Variants in DTNB observed in about 807,000 individuals in gnomAD.
DTNB encodes DTN-B.
A neutral mutation model predicts 90.7 loss-of-function variants in DTNB; 63 were observed. The ratio of observed to expected loss-of-function variants is 0.69; its 90% CI spans 0.57 to 0.86. The LOEUF is 0.86. Among genes scored for constraint, DTNB ranks in the 40% least tolerant of loss-of-function variants. The pLI, the probability that DTNB is intolerant of heterozygous loss-of-function variation, is 0.00. For synonymous variants in DTNB, 277 were observed against 286.7 expected, an observed-to-expected ratio of 0.97 and a Z score of 0.34; for missense variants, 744 against 807.1, an observed-to-expected ratio of 0.92 and a Z score of 0.95.
rs375171720 is a variant in DTNB at position 25,648,201 on chromosome 2, T to C, written c.67+4393A>G. On this transcript the variant is annotated intron_variant, in intron 2 of 20. Coordinates refer to ENST00000406818, the MANE Select transcript of DTNB (RefSeq NM_021907.5). ...CCTTTCACTTTTCTTGGTGATTTTA[T>C]ATCATGTAAGAATCATAAACTACCC... Among the ~76,000 whole-genome samples, 11 of 152,232 alleles carry C rather than the reference T, an allele frequency of 7.2e-5. No individual in the cohort carries two copies. The East Asian group carries it at 1.2e-3, about 16-fold the overall frequency.
chr2:25,638,827 T>TTAA (rs1490990356), intron 3 of DTNB, among the ~76,000 whole-genome samples, 187 bp downstream of exon 3: 5 of 152,220 alleles, frequency 3.3e-5, no homozygotes, highest in Non-Finnish European at 7.3e-5. Context: ...ATGACTGAGT[T>TTAA]TGTTAAACAT....
intron 16 of DTNB, among the ~76,000 whole-genome samples, chr2:25,412,241 T>C (rs2046795099): frequency 6.6e-6 from 1 of 152,212 alleles, no homozygotes; most frequent in Admixed American, 6.5e-5. Context: ...GGGGGCTTCC[T>C]GGAGCCAGGC....
At chr2:25,423,787 G>A (rs1021380804) in intron 15 of DTNB, among the ~76,000 whole-genome samples, 3 of 151,724 alleles carry the variant, frequency 2.0e-5, no homozygotes, top group Non-Finnish European at 2.9e-5. Context: ...AGCCTCCCAA[G>A]TAGCTGGGAT....
chr2:25,494,369 A>G (rs1036704964), intron 9 of DTNB, among the ~76,000 whole-genome samples: 20 of 151,720 alleles, frequency 1.3e-4, no homozygotes, highest in African/African-American at 4.8e-4. Context: ...TTCAGATTAG[A>G]GTTCTCAGGG....
chr2:25,527,076 T>C (rs770873378), intron 9 of DTNB, among the ~76,000 whole-genome samples: 14 of 152,146 alleles, frequency 9.2e-5, no homozygotes, highest in Non-Finnish European at 1.0e-4. Flanking sequence ...GGGAAATATT[T>C]AGAAGTAAAC....
At chr2:25,446,597 T>C (rs947574136) in intron 12 of DTNB, among the ~76,000 whole-genome samples, 1 of 152,160 alleles carries the variant, frequency 6.6e-6, no homozygotes, top group African/African-American at 2.4e-5. Context: ...TAAATTGTTG[T>C]ATTGTTTCTG....
chr2:25,460,613 A>C (rs768240843), intron 10 of DTNB, among the ~76,000 whole-genome samples: 8 of 152,108 alleles, frequency 5.3e-5, no homozygotes, highest in Non-Finnish European at 1.2e-4. Flanking sequence ...AGGCGTTTCA[A>C]GTAGAAAGGA....
chr2:25,471,451 G>C (rs922156787), intron 10 of DTNB, among the ~76,000 whole-genome samples: 26 of 151,070 alleles, frequency 1.7e-4, no homozygotes, highest in Admixed American at 3.3e-4. Flanking sequence ...GGAGTGCAGC[G>C]GCCCAATCTC....
At chr2:25,639,905 CGAA>C (rs886369116) in intron 2 of DTNB, among the ~76,000 whole-genome samples, 5 of 152,292 alleles carry the variant, frequency 3.3e-5, no homozygotes, top group East Asian at 1.9e-4. Context: ...GAAGATCGTA[CGAA>C]GAAGAACTGA....
At chr2:25,461,147 G>A (rs528578881) in intron 10 of DTNB, among the ~76,000 whole-genome samples, 10 of 152,184 alleles carry the variant, frequency 6.6e-5, no homozygotes, top group Non-Finnish European at 1.0e-4. Flanking sequence ...TAGGTGATCC[G>A]CCCGCCTTGG....
At chr2:25,629,027 T>G (rs539806778) in intron 3 of DTNB, among the ~76,000 whole-genome samples, 4 of 152,168 alleles carry the variant, frequency 2.6e-5, no homozygotes, top group African/African-American at 9.6e-5. Context: ...ACGACAAAAA[T>G]TCCTGGATGG....
chr2:25,576,752 G>A (rs2060738385), intron 8 of DTNB, 86 bp downstream of exon 8: 4 of 1,406,430 alleles, frequency 2.8e-6, no homozygotes, highest in Admixed American at 5.5e-5. Context: ...TTATTTGGTA[G>A]GCATCCATGA....
At chr2:25,497,310 G>A (rs892930324) in intron 9 of DTNB, 1 of 152,268 alleles carries the variant, frequency 6.6e-6, no homozygotes, top group Admixed American at 6.5e-5. Context: ...ACTTGCAATA[G>A]AATCCAAGTC....
intron 12 of DTNB, among the ~76,000 whole-genome samples, chr2:25,434,710 C>T (rs768542083): frequency 6.6e-5 from 10 of 151,980 alleles, no homozygotes; most frequent in Non-Finnish European, 1.3e-4. Context: ...GTTTTCATTT[C>T]TCTTGGGTAG....
At chr2:25,520,554 A>G (rs1575339602) in intron 9 of DTNB, among the ~76,000 whole-genome samples, 2 of 152,228 alleles carry the variant, frequency 1.3e-5, no homozygotes, top group African/African-American at 2.4e-5. Context: ...GTTCTTTCAC[A>G]GGGTTACAAA....
At chr2:25,394,066 C>T (rs566098251) in intron 16 of DTNB, among the ~76,000 whole-genome samples, 8 of 152,024 alleles carry the variant, frequency 5.3e-5, no homozygotes, top group Non-Finnish European at 1.2e-4. Flanking sequence ...CAATGGAACA[C>T]AATAGGGAAC....
intron 15 of DTNB, among the ~76,000 whole-genome samples, chr2:25,420,645 G>A (rs986107051): frequency 2.0e-5 from 3 of 152,018 alleles, no homozygotes; most frequent in African/African-American, 4.8e-5. Context: ...CACCATGCCC[G>A]GCTAATTTTG....
intron 2 of DTNB, among the ~76,000 whole-genome samples, chr2:25,646,450 T>C (rs858665): frequency 0.49 from 74,244 of 151,224 alleles, 18,897 homozygotes; most frequent in East Asian, 0.79. Context: ...CCAGCCTGGG[T>C]GACAGACTGA....
At chr2:25,555,258 T>A (rs1282309784) in intron 8 of DTNB, among the ~76,000 whole-genome samples, 4 of 125,064 alleles carry the variant, frequency 3.2e-5, no homozygotes, top group African/African-American at 1.3e-4. Context: ...GCCACTGCAC[T>A]CCAGCCTGGG....
Sources: allele counts gnomAD v4.1 joint callset (sites outside exome capture counted in the v4.1 genomes callset), GRCh38; gene constraint gnomAD v4.1.1; transcripts MANE v1.5; gene names NCBI Gene and HGNC (gene_info 2026-07-23, HGNC 2026-07-21).